The following KLHL41 variants were observed in gnomAD, a reference collection of about 807,000 sequenced individuals.
KLHL41 encodes kelch-like protein 41.
KLHL41 carries 31 observed loss-of-function variants against 49.2 expected under a neutral mutation model. That is an observed-to-expected ratio of 0.63 (90% CI 0.47 to 0.85). The LOEUF is 0.85. Ranked by LOEUF, KLHL41 falls within the 40% of genes least tolerant of loss-of-function variation. KLHL41 has a pLI of 0.00. For synonymous variants in KLHL41, 218 were observed against 258.5 expected (o/e 0.84, Z 1.50); for missense variants, 663 against 726.7 (o/e 0.91, Z 1.01).
intron 5 of KLHL41, among the ~76,000 whole-genome samples, chr2:169,524,283 C>G (rs936002896): frequency 1.5e-4 from 23 of 152,070 alleles, no homozygotes; most frequent in Non-Finnish European, 3.4e-4. Context: ...ACATAAAAAT[C>G]AGTGCATGGT....
rs2105311194 is a variant in KLHL41, at chr2:169,518,313, A to T, written c.1500A>T (p.Ala500=). The T allele has an allele frequency of 6.2e-7, 1 of 1,614,066 alleles. No homozygotes were observed. The highest frequency in any genetic ancestry group is 8.5e-7 in the Non-Finnish European group (1 of 1,179,944). The stretch of plus-strand genomic sequence containing the variant: ...TCCATAAAGGCAAAATTGTGATTGC[A>T]GGAGGTGTCACTGAAGATGGTCTTT... The part of the protein sequence containing the change: ...VAVHKGKIVI[A]GGVTEDGLSA... The change falls in exon 4 of 6, where the codon GCA becomes GCT. Residue 500 remains alanine (A), a synonymous_variant. Coordinates refer to ENST00000284669, the MANE Select transcript of KLHL41 (RefSeq NM_006063.3).
At chr2:169,517,099 C>CT (rs1684128496) in intron 3 of KLHL41, among the ~76,000 whole-genome samples, 2 of 152,108 alleles carry the variant, frequency 1.3e-5, no homozygotes, top group African/African-American at 4.8e-5. Flanking sequence ...GGATAATGTT[C>CT]TTATCAAGAA....
Position 169,510,766 on chromosome 2 carries a change from G to C in KLHL41, c.988G>C (p.Ala330Pro). Residue 330 changes from alanine to proline, a missense_variant, in exon 1 of 6, where the codon GCT becomes CCT. Coordinates refer to ENST00000284669, the MANE Select transcript of KLHL41 (RefSeq NM_006063.3). The surrounding 1 kb of genome is among the most constrained non-coding windows in gnomAD (Gnocchi z 4.2). Reference protein sequence around the residue: ...TENECYLTALAEQIPRNHSSI... With the variant: ...TENECYLTALPEQIPRNHSSI... ...AAATGAATGCTACCTTACTGCACTG[G>C]CTGAGCAGATTCCCAGAAATCATTC... is the stretch of plus-strand genomic sequence containing the variant. 6.2e-7 allele frequency: 1 copy of C among 1,614,156 alleles called. No individual in the cohort carries two copies. The highest frequency in any genetic ancestry group is 8.5e-7 in the Non-Finnish European group (1 of 1,180,030).
chr2:169,513,512 T>C (rs1684062619), intron 1 of KLHL41, among the ~76,000 whole-genome samples: 1 of 152,220 alleles, frequency 6.6e-6, no homozygotes, highest in Non-Finnish European at 1.5e-5. Flanking sequence ...AAGCTAAGAA[T>C]GCACATGTGG....
Position 169,514,891 on chromosome 2 carries a change from A to G in KLHL41, c.1306A>G (p.Lys436Glu), listed in dbSNP as rs1185067965. The change falls in exon 3 of 6, where the codon AAA becomes GAA. Residue 436 changes from lysine to glutamate, a missense_variant. Lys to Glu is a moderately conservative substitution (Grantham distance 56). Transcript: ENST00000284669. ...GAACGAAGTAAAAAAACTCCCTATC[A>G]AAGTCTATGGCCATAATGTGATTTC... ...KWNEVKKLPI[K>E]VYGHNVISHK... 34 of 1,610,506 alleles carry G rather than the reference A, an allele frequency of 2.1e-5. No individual in the cohort carries two copies. The highest frequency in any genetic ancestry group is 2.9e-5 in the Non-Finnish European group (34 of 1,179,180).
intron 3 of KLHL41, among the ~76,000 whole-genome samples, chr2:169,516,809 G>A (rs1238579954): frequency 2.0e-5 from 3 of 152,058 alleles, no homozygotes. Flanking sequence ...ATCACCTGAG[G>A]TCGGGAATTT....
rs1684291987 is a variant in KLHL41 at position 169,525,682 on chromosome 2, C to A, written c.1807C>A (p.Leu603Met). Residue 603 changes from leucine (L) to methionine (M), a missense_variant, in exon 6 of 6, where the codon CTG (leucine) becomes ATG (methionine). By Grantham distance (15) the Leu-to-Met change is conservative (BLOSUM62 2). This residue lies in a region of KLHL41 where 528 missense variants were observed against 581.0 expected (regional missense o/e 0.91). Coordinates refer to ENST00000284669, the MANE Select transcript of KLHL41 (RefSeq NM_006063.3). ...AGCAACACGTTTAAATCTCTTCAAA[C>A]TGTCTAAACTGTGAACAAGGTGACA... ...CLATRLNLFK[L>M]SKL 1.3e-6 allele frequency: 2 copies of A among 1,597,664 alleles called. No individual in the cohort carries two copies. The highest frequency in any genetic ancestry group is 1.7e-4 in the Middle Eastern group (1 of 6,016).
At chr2:169,516,811 C>T (rs1039798288) in intron 3 of KLHL41, among the ~76,000 whole-genome samples, 11 of 152,078 alleles carry the variant, frequency 7.2e-5, no homozygotes, top group Non-Finnish European at 8.8e-5. Context: ...CACCTGAGGT[C>T]GGGAATTTGA....
intron 3 of KLHL41, among the ~76,000 whole-genome samples, chr2:169,517,448 C>CA (rs1174844050): frequency 6.6e-6 from 1 of 152,198 alleles, no homozygotes; most frequent in Non-Finnish European, 1.5e-5. Context: ...ACCAAGCATA[C>CA]AAAAAACTAG....
intron 5 of KLHL41, among the ~76,000 whole-genome samples, chr2:169,523,238 TC>T (rs1447861168): frequency 1.3e-5 from 2 of 152,322 alleles, no homozygotes; most frequent in East Asian, 3.9e-4. Context: ...AAAAGAGGGA[TC>T]CTCTCTGATT....
chr2:169,525,917 T>C lies in KLHL41; in HGVS notation c.*221T>C. ...TTCTAATAATAAATTAAATCTTCAGTTGAACAAATTATTTTGTGAATCTGT... is the reference window on the plus strand; with the variant it reads ...TTCTAATAATAAATTAAATCTTCAGCTGAACAAATTATTTTGTGAATCTGT... On this transcript the variant is annotated 3_prime_UTR_variant, in exon 6 of 6. Transcript: ENST00000284669. 2.9e-6 allele frequency: 1 copy of C among 344,730 alleles called. No homozygotes were observed. The highest frequency in any genetic ancestry group is 5.2e-6 in the Non-Finnish European group (1 of 192,226). 21.4% of individuals were successfully genotyped at this position (344,730 alleles called of 1,614,324 possible).
At position 169,520,921 on chromosome 2, in the gene KLHL41, T is replaced by A; in HGVS notation, c.1623T>A (p.Ala541=). The part of the protein sequence containing the change: ...ERSSISLVSL[A]GSLYAIGGFA... ...GCTCCATCAGTTTGGTCAGCCTGGC[T>A]GGATCTCTGTATGCAATTGGTGGTT... is the stretch of plus-strand genomic sequence containing the variant. The change falls in exon 5 of 6, where the codon GCT becomes GCA. Residue 541 remains alanine (A), a synonymous_variant. Coordinates refer to ENST00000284669, the MANE Select transcript of KLHL41 (RefSeq NM_006063.3). 1 of 1,613,924 alleles carries A rather than the reference T, an allele frequency of 6.2e-7. No individual in the cohort carries two copies. The highest frequency in any genetic ancestry group is 1.1e-5 in the South Asian group (1 of 91,080).
At chr2:169,520,325 T>A (rs1310500926) in intron 4 of KLHL41, among the ~76,000 whole-genome samples, 4 of 150,008 alleles carry the variant, frequency 2.7e-5, no homozygotes, top group African/African-American at 9.8e-5. Context: ...TGTGTGTGTG[T>A]GTGTGGAGGC....
At position 169,525,753 on chromosome 2, in the gene KLHL41, A is replaced by C. The variant is rs1684295062; in HGVS notation, c.*57A>C. The C allele has an allele frequency of 3.2e-6, 3 of 944,170 alleles. No homozygotes were observed. Among genetic ancestry groups the C allele is most frequent in the Non-Finnish European group, 3.4e-6 (2 of 588,988 alleles). 58.5% of individuals were successfully genotyped at this position (944,170 alleles called of 1,614,324 possible). On this transcript the variant is annotated 3_prime_UTR_variant, in exon 6 of 6. Transcript: ENST00000284669. Reference sequence around the variant, plus strand: ...TGGTTTGTTTGGTGAATGGGGCTTTAATTTATTCTGTTTTTTAAAAGCTTG... The same window carrying C: ...TGGTTTGTTTGGTGAATGGGGCTTTCATTTATTCTGTTTTTTAAAAGCTTG...
Position 169,518,267 on chromosome 2 carries a change from G to A in KLHL41, c.1454G>A (p.Arg485His), listed in dbSNP as rs760007708. The change falls in exon 4 of 6, where the codon CGT becomes CAT. Residue 485 changes from arginine (R) to histidine (H), a missense_variant. Transcript: ENST00000284669. ...GATCTGGCTCCAATGAAAATTCCTC[G>A]TTCCATGTTTGGAGTAGCAGTCCAT... is the stretch of plus-strand genomic sequence containing the variant. ...WKDLAPMKIP[R>H]SMFGVAVHKG... The A allele has an allele frequency of 2.3e-5, 37 of 1,613,848 alleles. No individual in the cohort carries two copies. Among genetic ancestry groups the A allele is most frequent in the Admixed American group, 1.2e-4 (7 of 59,998 alleles).
At chr2:169,524,639 C>G (rs993048822) in intron 5 of KLHL41, among the ~76,000 whole-genome samples, 1 of 151,928 alleles carries the variant, frequency 6.6e-6, no homozygotes, top group African/African-American at 2.4e-5. Flanking sequence ...CTCAGGTGAC[C>G]TGCCCCCCTC....
rs145220626 is a variant in KLHL41 at position 169,511,008 on chromosome 2, C to T, written c.1110+120C>T. 7.6e-5 allele frequency: 61 copies of T among 798,624 alleles called. No individual in the cohort carries two copies. The East Asian group carries it at 1.6e-3, about 20-fold the overall frequency. 49.5% of individuals were successfully genotyped at this position (798,624 alleles called of 1,614,324 possible). ...TTTTACTCTAATTGATGTCCTATTC[C>T]AGTCCCTTGCACTTTTGCTGTATAG... On this transcript the variant is annotated intron_variant, in intron 1 of 5. Transcript: ENST00000284669.
Position 169,510,191 on chromosome 2 carries a change from T to A in KLHL41, c.413T>A (p.Ile138Asn). ...KRLAPGNCLAILRLGLLLDCP... is the reference protein window; with the variant it reads ...KRLAPGNCLANLRLGLLLDCP... Reference sequence around the variant, plus strand: ...CTTGCTCCTGGTAACTGTCTAGCCATCCTAAGATTAGGACTTCTTCTTGAC... The same window carrying A: ...CTTGCTCCTGGTAACTGTCTAGCCAACCTAAGATTAGGACTTCTTCTTGAC... The change falls in exon 1 of 6, where the codon ATC (isoleucine) becomes AAC (asparagine). Residue 138 changes from isoleucine (I) to asparagine (N), a missense_variant. Around this residue, in one of 3 missense-constraint regions of KLHL41, gnomAD observed 528 missense variants for 581.0 expected, o/e 0.91. Coordinates refer to ENST00000284669, the MANE Select transcript of KLHL41 (RefSeq NM_006063.3). The surrounding 1 kb of genome is among the most constrained non-coding windows in gnomAD (Gnocchi z 4.2). The A allele has an allele frequency of 6.2e-7, 1 of 1,614,134 alleles. No individual in the cohort carries two copies. Among genetic ancestry groups the A allele is most frequent in the Non-Finnish European group, 8.5e-7 (1 of 1,180,026 alleles).
At chr2:169,524,321 T>C (rs952572390) in intron 5 of KLHL41, among the ~76,000 whole-genome samples, 2 of 152,146 alleles carry the variant, frequency 1.3e-5, no homozygotes, top group Non-Finnish European at 2.9e-5. Flanking sequence ...ATTTGGAACA[T>C]TGATGAAATT....
Sources: gnomAD v4.1 joint callset for allele counts (sites outside exome capture counted in the v4.1 genomes callset) on GRCh38, gnomAD v4.1.1 for gene constraint, gnomAD v4.1.1 regional missense constraint, Gnocchi (gnomAD v3.1) non-coding constraint, MANE v1.5 for transcripts, NCBI Gene and HGNC (gene_info 2026-07-23, HGNC 2026-07-21) for gene names.